NLK: variants seen among roughly 807,000 people sequenced by gnomAD.
NLK encodes the protein serine/threonine-protein kinase NLK.
A neutral mutation model predicts 59.0 loss-of-function variants in NLK; 11 were observed. The ratio of observed to expected loss-of-function variants is 0.19; its 90% CI spans 0.12 to 0.31. The LOEUF is 0.31. NLK is among the 10% of genes least tolerant of loss of function. NLK has a pLI of 1.00. For missense variants in NLK, 410 were observed against 661.1 expected, an observed-to-expected ratio of 0.62 and a Z score of 4.16; for synonymous variants, 235 against 235.9, an observed-to-expected ratio of 1.00 and a Z score of 0.03.
intron 3 of NLK, among the ~76,000 whole-genome samples, chr17:28,140,542 A>G (rs763973748): frequency 6.6e-6 from 1 of 152,160 alleles, no homozygotes; most frequent in Non-Finnish European, 1.5e-5. Flanking sequence ...ATTTTCCCAG[A>G]TGGTTTTTCA....
chr17:28,052,889 T>TG, intron 1 of NLK, among the ~76,000 whole-genome samples: 2 of 126,674 alleles, frequency 1.6e-5, no homozygotes, highest in African/African-American at 6.1e-5. Context: ...ATCTCTGGTG[T>TG]TTTTTTTTTT....
intron 2 of NLK, among the ~76,000 whole-genome samples, chr17:28,125,983 G>C (rs910811160): frequency 1.3e-5 from 2 of 152,192 alleles, no homozygotes; most frequent in African/African-American, 4.8e-5. Flanking sequence ...CAAGGTTAAG[G>C]TGGCACAGAT....
chr17:28,048,048 G>T, intron 1 of NLK: 1 of 398,058 alleles, frequency 2.5e-6, no homozygotes, highest in South Asian at 1.3e-4. Flanking sequence ...AAAAGGAAAC[G>T]GTTGCTCTTC....
intron 3 of NLK, among the ~76,000 whole-genome samples, chr17:28,155,877 T>A (rs1907687585): frequency 6.6e-6 from 1 of 152,204 alleles, no homozygotes; most frequent in African/African-American, 2.4e-5. Context: ...CATGTATACC[T>A]ATGTAACCTG....
chr17:28,198,029 A>G (rs1432713604), downstream of NLK, among the ~76,000 whole-genome samples: 1 of 152,216 alleles, frequency 6.6e-6, no homozygotes, highest in Non-Finnish European at 1.5e-5. Context: ...ATTGCATATA[A>G]TAATAATGTC....
chr17:28,088,112 G>C (rs985556920), intron 1 of NLK, among the ~76,000 whole-genome samples: 1 of 152,156 alleles, frequency 6.6e-6, no homozygotes, highest in East Asian at 1.9e-4. Context: ...GTAGTATATA[G>C]CATGTTATTC....
chr17:28,099,606 C>T (rs981848271), intron 1 of NLK, among the ~76,000 whole-genome samples: 3 of 125,642 alleles, frequency 2.4e-5, no homozygotes, highest in Non-Finnish European at 4.7e-5. Context: ...GAGTCTTGCT[C>T]TGTCGCCCAG....
At chr17:28,085,414 G>A (rs1336003865) in intron 1 of NLK, among the ~76,000 whole-genome samples, 1 of 152,136 alleles carries the variant, frequency 6.6e-6, no homozygotes, top group Non-Finnish European at 1.5e-5. Context: ...GTCAATGACG[G>A]ACCACATACA....
intron 1 of NLK, among the ~76,000 whole-genome samples, chr17:28,098,769 G>C (rs1188211847): frequency 3.0e-5 from 4 of 134,340 alleles, no homozygotes; most frequent in African/African-American, 1.1e-4. Context: ...CACACCCTCC[G>C]CCTCCCGGGT....
intron 3 of NLK, among the ~76,000 whole-genome samples, chr17:28,155,780 G>T (rs558652037): frequency 6.6e-6 from 1 of 152,146 alleles, no homozygotes; most frequent in African/African-American, 2.4e-5. Flanking sequence ...GGGCCTGTCG[G>T]GGGGTGGAGG....
chr17:28,158,630 AT>A lies in NLK; in HGVS notation c.645-2521del, dbSNP rs540022657. On this transcript the variant is annotated intron_variant, in intron 3 of 10. Coordinates refer to ENST00000407008, the MANE Select transcript of NLK (RefSeq NM_016231.5). ...AAGGACATTGTACAGCTGTACAAAA[AT>A]TTTTTTTTCTTATTTATTTATTTTT... Among the ~76,000 whole-genome samples, 908 of 151,798 alleles carry A rather than the reference AT, an allele frequency of 6.0e-3. 9 individuals are homozygous for A. The highest frequency in any genetic ancestry group is 9.4e-3 in the South Asian group (45 of 4,808).
At chr17:28,101,064 T>G (rs1335657300) in intron 1 of NLK, among the ~76,000 whole-genome samples, 1 of 152,198 alleles carries the variant, frequency 6.6e-6, no homozygotes, top group Non-Finnish European at 1.5e-5. Context: ...TGAATTACCT[T>G]GGCCTTTGTT....
chr17:28,110,913 C>T (rs1281235626), intron 1 of NLK, among the ~76,000 whole-genome samples: 5 of 151,034 alleles, frequency 3.3e-5, no homozygotes, highest in Admixed American at 1.3e-4. Flanking sequence ...GGCGGGATCT[C>T]GGCTCACTGC....
At chr17:28,047,629 G>A (rs1909107196) in intron 1 of NLK, among the ~76,000 whole-genome samples, 2 of 152,156 alleles carry the variant, frequency 1.3e-5, no homozygotes, top group Non-Finnish European at 2.9e-5. Context: ...ATGAAAAAGT[G>A]TGAATTGCTA....
At chr17:28,045,116 T>G (rs1909007404) in intron 1 of NLK, among the ~76,000 whole-genome samples, 1 of 152,210 alleles carries the variant, frequency 6.6e-6, no homozygotes, top group Non-Finnish European at 1.5e-5. Flanking sequence ...CCCACATATA[T>G]TTGGTTTGAA....
chr17:28,148,322 C>T (rs965090347), intron 3 of NLK, among the ~76,000 whole-genome samples: 9 of 148,628 alleles, frequency 6.1e-5, no homozygotes, highest in South Asian at 2.2e-4. Flanking sequence ...TTTATACATA[C>T]GTATGCACTA....
At chr17:28,156,284 T>C (rs1300250221) in intron 3 of NLK, among the ~76,000 whole-genome samples, 1 of 152,184 alleles carries the variant, frequency 6.6e-6, no homozygotes, top group Non-Finnish European at 1.5e-5. Flanking sequence ...AAAGGAGGGC[T>C]GGAGTATTTT....
At chr17:28,177,819 T>C (rs962558224) in intron 7 of NLK, among the ~76,000 whole-genome samples, 1 of 152,226 alleles carries the variant, frequency 6.6e-6, no homozygotes, top group African/African-American at 2.4e-5. Flanking sequence ...CTGGAGCAGA[T>C]AGAGTAGCTT....
intron 1 of NLK, among the ~76,000 whole-genome samples, chr17:28,070,631 A>G (rs2142756493): frequency 6.6e-6 from 1 of 152,114 alleles, no homozygotes; most frequent in East Asian, 1.9e-4. Context: ...GATTACAGGC[A>G]TGAGCCACCG....
Sources: gnomAD v4.1 joint callset for allele counts (sites outside exome capture counted in the v4.1 genomes callset) on GRCh38, gnomAD v4.1.1 for gene constraint, MANE v1.5 for transcripts, NCBI Gene and HGNC (gene_info 2026-07-23, HGNC 2026-07-21) for gene names.